Variants in QRICH1 observed in about 807,000 individuals in gnomAD.
QRICH1 encodes transcriptional regulator QRICH1.
A neutral mutation model predicts 87.1 loss-of-function variants in QRICH1; 16 were observed. The observed-to-expected ratio is 0.18, with a 90% CI of 0.12 to 0.28. The LOEUF is 0.28. QRICH1 is among the 10% of genes least tolerant of loss of function. The pLI is 1.00. For missense variants in QRICH1, 647 were observed against 951.7 expected (o/e 0.68, Z 4.21); for synonymous variants, 367 against 368.4 (o/e 1.00, Z 0.05).
At chr3:49,050,699 AC>A in intron 3 of QRICH1, among the ~76,000 whole-genome samples, 6 of 151,516 alleles carry the variant, frequency 4.0e-5, no homozygotes, top group Non-Finnish European at 5.9e-5. Context: ...ACAAAAAACA[AC>A]AACAACAACA....
chr3:49,032,989 G>A (rs949871491), intron 7 of QRICH1, 131 bp downstream of exon 7: 2 of 931,302 alleles, frequency 2.1e-6, no homozygotes, highest in Admixed American at 6.7e-5. Flanking sequence ...ATAAAATGCA[G>A]CCAAGTGGGG....
At chr3:49,075,806 G>A (rs1246089997) in intron 2 of QRICH1, among the ~76,000 whole-genome samples, 1 of 152,090 alleles carries the variant, frequency 6.6e-6, no homozygotes, top group East Asian at 1.9e-4. Context: ...GCTGAGGGTG[G>A]TAGTGCACAC....
At chr3:49,068,912 T>C (rs1239265811) in intron 2 of QRICH1, among the ~76,000 whole-genome samples, 6 of 151,790 alleles carry the variant, frequency 4.0e-5, no homozygotes, top group Non-Finnish European at 8.8e-5. Context: ...ATTACAGGCA[T>C]GAGCAACCAC....
intron 6 of QRICH1, among the ~76,000 whole-genome samples, chr3:49,039,542 T>C (rs1243556941): frequency 7.0e-6 from 1 of 142,896 alleles, no homozygotes; most frequent in Non-Finnish European, 1.5e-5. Context: ...AATAATTTCT[T>C]GAACCCAGGA....
intron 1 of QRICH1, among the ~76,000 whole-genome samples, chr3:49,093,007 G>A (rs2042307018): frequency 6.6e-6 from 1 of 152,214 alleles, no homozygotes; most frequent in Non-Finnish European, 1.5e-5. Context: ...GAGTTCACAT[G>A]GGCCACATAA....
At chr3:49,053,623 G>A (rs1286947900) in intron 3 of QRICH1, among the ~76,000 whole-genome samples, 2 of 152,102 alleles carry the variant, frequency 1.3e-5, no homozygotes, top group African/African-American at 4.8e-5. Context: ...ATTTAGTCAT[G>A]AGTTGAAGGG....
chr3:49,069,401 T>G (rs901570924), intron 2 of QRICH1, among the ~76,000 whole-genome samples: 28 of 151,888 alleles, frequency 1.8e-4, no homozygotes, highest in African/African-American at 6.5e-4. Context: ...CACACACAGC[T>G]GAAAATTATT....
chr3:49,079,508 ATAT>A (rs1363077786), intron 1 of QRICH1, among the ~76,000 whole-genome samples: 5 of 148,158 alleles, frequency 3.4e-5, no homozygotes, highest in Non-Finnish European at 6.0e-5. Flanking sequence ...TAATAATTAA[ATAT>A]TATAACAATT....
intron 6 of QRICH1, chr3:49,033,437 G>A: frequency 2.6e-6 from 1 of 382,410 alleles, no homozygotes; most frequent in Non-Finnish European, 4.7e-6. Context: ...CTGATGATGA[G>A]CACTTCTAAC....
intron 1 of QRICH1, among the ~76,000 whole-genome samples, chr3:49,078,232 T>G (rs1182973983): frequency 6.6e-6 from 1 of 152,124 alleles, no homozygotes; most frequent in Non-Finnish European, 1.5e-5. Context: ...ATATAAAATA[T>G]GTGGGTAAAC....
rs150921156 is a variant in QRICH1 at position 49,035,450 on chromosome 3, G to A, written c.1787-2222C>T. 1.4e-3 allele frequency among the ~76,000 whole-genome samples: 216 copies of A among 152,194 alleles called. 1 individual carries two copies. The highest frequency in any genetic ancestry group is 2.4e-3 in the Admixed American group (36 of 15,262). ...TGGCATGTTCCACTTCTCTGGGTTC[G>A]CTCTGTCACTTGCTCCCTCTGATGT... is the stretch of plus-strand genomic sequence containing the variant. On this transcript the variant is annotated intron_variant, in intron 6 of 9. Transcript: ENST00000395443.
intron 3 of QRICH1, among the ~76,000 whole-genome samples, chr3:49,049,087 A>G (rs1392525078): frequency 6.6e-6 from 1 of 151,858 alleles, no homozygotes. Flanking sequence ...GTTTTCGTAG[A>G]GACGGCTGTT....
At chr3:49,043,316 T>C (rs1276117982) in intron 6 of QRICH1, among the ~76,000 whole-genome samples, 1 of 144,086 alleles carries the variant, frequency 6.9e-6, no homozygotes, top group Non-Finnish European at 1.5e-5. Flanking sequence ...ACCAATATGA[T>C]GAAACCCTGT....
At chr3:49,086,524 A>C (rs1252860357) in intron 1 of QRICH1, among the ~76,000 whole-genome samples, 1 of 152,176 alleles carries the variant, frequency 6.6e-6, no homozygotes, top group Non-Finnish European at 1.5e-5. Flanking sequence ...CTGGGATTAC[A>C]GGTGTGAGCC....
intron 2 of QRICH1, among the ~76,000 whole-genome samples, chr3:49,059,128 A>T (rs1364287484): frequency 2.7e-5 from 4 of 145,630 alleles, no homozygotes; most frequent in African/African-American, 5.1e-5. Flanking sequence ...CACCCGGCTA[A>T]TTTTTTTTTT....
rs1013268957 is a variant in QRICH1 at position 49,077,374 on chromosome 3, A to G, written c.-21-336T>C. 3.9e-5 allele frequency among the ~76,000 whole-genome samples: 6 copies of G among 152,196 alleles called. No individual in the cohort carries two copies. In the South Asian group the frequency reaches 8.3e-4, roughly 21 times the overall value. ...CCAAGCACTGGACAGTAAATGTCAC[A>G]TGCAAAACTGCTCTGTGACCATCAC... On this transcript the variant is annotated intron_variant, in intron 1 of 9. Coordinates refer to ENST00000395443, the MANE Select transcript of QRICH1 (RefSeq NM_198880.3).
At chr3:49,067,497 G>A (rs2093475199) in intron 2 of QRICH1, among the ~76,000 whole-genome samples, 1 of 152,034 alleles carries the variant, frequency 6.6e-6, no homozygotes, top group Admixed American at 6.6e-5. Flanking sequence ...GATTCCAGGA[G>A]GCGGAGCTTG....
chr3:49,043,492 G>T (rs2093322275), intron 6 of QRICH1, among the ~76,000 whole-genome samples: 2 of 50,370 alleles, frequency 4.0e-5, no homozygotes, highest in Non-Finnish European at 6.7e-5. Flanking sequence ...GCAAAACTCT[G>T]TCTCAAAAAA....
chr3:49,060,536 G>A (rs181543269), intron 2 of QRICH1, among the ~76,000 whole-genome samples: 3 of 151,738 alleles, frequency 2.0e-5, no homozygotes, highest in African/African-American at 7.2e-5. Flanking sequence ...CACCATGTTG[G>A]CCAGGCTGGT....
Sources: allele counts gnomAD v4.1 joint callset (sites outside exome capture counted in the v4.1 genomes callset), GRCh38; gene constraint gnomAD v4.1.1; transcripts MANE v1.5; gene names NCBI Gene and HGNC (gene_info 2026-07-23, HGNC 2026-07-21).